ZFHX3: variants seen among roughly 807,000 people sequenced by gnomAD.
ZFHX3 encodes the protein zinc finger homeobox protein 3.
A neutral mutation model predicts 279.1 loss-of-function variants in ZFHX3; 42 were observed. The observed-to-expected ratio is 0.15, with a 90% CI of 0.12 to 0.19. ZFHX3 has a LOEUF of 0.19. Among genes scored for constraint, ZFHX3 ranks in the 10% least tolerant of loss-of-function variants. ZFHX3 has a pLI of 1.00. For synonymous variants in ZFHX3, 2,293 were observed against 1,957.8 expected, an observed-to-expected ratio of 1.17 and a Z score of -4.52; for missense variants, 4,981 against 4,754.0, an observed-to-expected ratio of 1.05 and a Z score of -1.40.
chr16:73,636,471 AT>A, intron 2 of ZFHX3, among the ~76,000 whole-genome samples: 1 of 152,350 alleles, frequency 6.6e-6, no homozygotes, highest in Non-Finnish European at 1.5e-5. Flanking sequence ...CAAAAGTATC[AT>A]TGTTTACCAA....
At chr16:73,308,633 T>C (rs574920231) in intron 4 of ZFHX3, among the ~76,000 whole-genome samples, 15 of 152,208 alleles carry the variant, frequency 9.9e-5, no homozygotes, top group African/African-American at 3.4e-4. Flanking sequence ...CATTGAATTT[T>C]GTAGTGCTAA....
rs1960424816 is a variant in ZFHX3 at position 73,811,497 on chromosome 16, G to A, written c.-1608+80154C>T. 2.7e-5 allele frequency among the ~76,000 whole-genome samples: 4 copies of A among 145,940 alleles called. No individual in the cohort carries two copies. The South Asian group carries it at 8.7e-4, about 32-fold the overall frequency. On this transcript the variant is annotated intron_variant, in intron 1 of 17. Coordinates refer to the ZFHX3 transcript ENST00000641206. ...CTTGCTCTGTCATCTAGGCGGGAGT[G>A]GCAGTGGCGTGATCTCAGCTCACTG...
intron 2 of ZFHX3, among the ~76,000 whole-genome samples, chr16:73,597,775 G>T (rs1365839013): frequency 3.9e-5 from 6 of 152,162 alleles, no homozygotes; most frequent in African/African-American, 9.7e-5. Context: ...CTTCTAGACT[G>T]CAGAACTGTG....
intron 2 of ZFHX3, among the ~76,000 whole-genome samples, chr16:73,510,551 A>G (rs1297535922): frequency 1.3e-5 from 2 of 152,216 alleles, no homozygotes; most frequent in African/African-American, 4.8e-5. Flanking sequence ...GTTCACTTTG[A>G]ACTATTTACT....
chr16:73,538,462 A>G (rs186827181), intron 2 of ZFHX3, among the ~76,000 whole-genome samples: 18 of 152,324 alleles, frequency 1.2e-4, no homozygotes, highest in Non-Finnish European at 2.5e-4. Context: ...TTTTAGAAAA[A>G]AAAGCTTCAA....
chr16:73,651,365 T>A (rs886089330), intron 2 of ZFHX3, among the ~76,000 whole-genome samples: 4 of 151,508 alleles, frequency 2.6e-5, no homozygotes, highest in Admixed American at 6.6e-5. Flanking sequence ...AAAGAGAAAA[T>A]GAGTGTTTTC....
intron 3 of ZFHX3, among the ~76,000 whole-genome samples, chr16:72,897,567 A>G (rs2144113439): frequency 6.6e-6 from 1 of 152,120 alleles, no homozygotes. Flanking sequence ...CAGCTTCCTG[A>G]GTAGCTGGGA....
intron 1 of ZFHX3, among the ~76,000 whole-genome samples, chr16:73,890,806 C>T (rs1462838909): frequency 6.6e-6 from 1 of 152,200 alleles, no homozygotes; most frequent in African/African-American, 2.4e-5. Context: ...AGGGCTCCGG[C>T]ACTGACCACT....
chr16:72,938,705 C>T (rs528194280), intron 3 of ZFHX3, among the ~76,000 whole-genome samples: 1 of 152,096 alleles, frequency 6.6e-6, no homozygotes, highest in Non-Finnish European at 1.5e-5. Context: ...TGAATTAGGG[C>T]GGCAAGACCC....
At chr16:73,168,196 C>T (rs1008646653) in intron 5 of ZFHX3, among the ~76,000 whole-genome samples, 3 of 136,526 alleles carry the variant, frequency 2.2e-5, no homozygotes, top group East Asian at 2.4e-4. Context: ...CCTTTTAACA[C>T]TATAGTTTCT....
intron 1 of ZFHX3, among the ~76,000 whole-genome samples, chr16:73,695,466 A>G (rs1287924122): frequency 1.3e-5 from 2 of 152,188 alleles, no homozygotes; most frequent in African/African-American, 4.8e-5. Flanking sequence ...ATGAAGAAAC[A>G]GCTTTGAAGA....
At chr16:72,896,131 T>A (rs1389809938) in intron 3 of ZFHX3, among the ~76,000 whole-genome samples, 1 of 152,188 alleles carries the variant, frequency 6.6e-6, no homozygotes, top group Non-Finnish European at 1.5e-5. Context: ...GATAACAGAC[T>A]GTCCTCATCT....
intron 1 of ZFHX3, among the ~76,000 whole-genome samples, chr16:73,862,455 A>C (rs1961906674): frequency 6.6e-6 from 1 of 152,118 alleles, no homozygotes; most frequent in South Asian, 2.1e-4. Context: ...ATTCCATCCT[A>C]ATTAGCCAGA....
chr16:73,189,718 G>C (rs1482938267), intron 5 of ZFHX3, among the ~76,000 whole-genome samples: 1 of 152,214 alleles, frequency 6.6e-6, no homozygotes, highest in Non-Finnish European at 1.5e-5. Context: ...GGAAGGAGTT[G>C]TCTTGGGCAT....
Position 72,797,102 on chromosome 16 carries a change from T to A in ZFHX3, c.5580A>T (p.Ile1860=), listed in dbSNP as rs1472913533. 1 of 1,613,910 alleles carries A rather than the reference T, an allele frequency of 6.2e-7. No homozygotes were observed. Among genetic ancestry groups the A allele is most frequent in the Non-Finnish European group, 8.5e-7 (1 of 1,180,022 alleles). ...GAAGGAGGGCAGAGTGACTCTGGGC[T>A]ATAGAGAGTTGGTTCTGCTGCTGCT... ...LPQQQQNQLS[I]AQSHSALLQP... Residue 1860 remains isoleucine (I), a synonymous_variant, in exon 9 of 10, where the codon ATA becomes ATT. Transcript: ENST00000268489.
chr16:73,332,335 T>C lies in ZFHX3; in HGVS notation c.-1290-13999A>G, dbSNP rs539962983. Among the ~76,000 whole-genome samples, 390 of 152,284 alleles carry C rather than the reference T, an allele frequency of 2.6e-3. 4 individuals are homozygous for C. The highest frequency in any genetic ancestry group is 8.1e-3 in the African/African-American group (335 of 41,550). On this transcript the variant is annotated intron_variant, in intron 3 of 17. Coordinates refer to the ZFHX3 transcript ENST00000641206. The stretch of plus-strand genomic sequence containing the variant: ...AAAAAGAAAAGAACCTAACCTGTGT[T>C]TGTGAGTGATTAAATCATTTACATG...
chr16:73,601,814 T>G (rs1479667499), intron 2 of ZFHX3, among the ~76,000 whole-genome samples: 3 of 152,142 alleles, frequency 2.0e-5, no homozygotes, highest in Non-Finnish European at 4.4e-5. Flanking sequence ...GTTACTGAAA[T>G]AGATGCTTAG....
At chr16:73,752,241 C>G (rs951997295) in intron 1 of ZFHX3, among the ~76,000 whole-genome samples, 3 of 152,104 alleles carry the variant, frequency 2.0e-5, no homozygotes, top group Non-Finnish European at 4.4e-5. Flanking sequence ...TGGTCTATAA[C>G]GACCTCCTTT....
chr16:73,353,581 G>T (rs756560937), intron 3 of ZFHX3, among the ~76,000 whole-genome samples: 3 of 152,192 alleles, frequency 2.0e-5, no homozygotes, highest in Non-Finnish European at 4.4e-5. Flanking sequence ...AGGTTAAAGA[G>T]CATGGCTGAG....
Sources: gnomAD v4.1 joint callset for allele counts (sites outside exome capture counted in the v4.1 genomes callset) on GRCh38, gnomAD v4.1.1 for gene constraint, MANE v1.5 for transcripts, NCBI Gene and HGNC (gene_info 2026-07-23, HGNC 2026-07-21) for gene names.